The following SRGAP2 variants were observed in gnomAD, a reference collection of about 807,000 sequenced individuals.
SRGAP2 encodes the protein SLIT-ROBO Rho GTPase-activating protein 2.
Under a neutral mutation model 57.2 loss-of-function variants are expected in SRGAP2, and 15 were observed. The ratio of observed to expected loss-of-function variants is 0.26; its 90% CI spans 0.18 to 0.40. SRGAP2 has a LOEUF of 0.40. Ranked by LOEUF, SRGAP2 falls within the 10% of genes least tolerant of loss-of-function variation. SRGAP2 has a pLI of 1.00. For missense variants in SRGAP2, 520 were observed against 669.6 expected (o/e 0.78, Z 2.47); for synonymous variants, 249 against 248.0 (o/e 1.00, Z -0.04).
In SRGAP2 at chr1:206,253,573, C is replaced by CTT. The variant is rs71264673; in HGVS notation, c.67+47555_67+47556dup. On this transcript the variant is annotated intron_variant, in intron 2 of 22. Coordinates refer to ENST00000573034, the MANE Select transcript of SRGAP2 (RefSeq NM_015326.5). ...CTCTTTCTTTCTCTTTTCTTTCTTT[C>CTT]TTTTTTTTTTTTTTTTTTTTGAGGC... 6.0e-3 allele frequency among the ~76,000 whole-genome samples: 614 copies of CTT among 101,684 alleles called. 19 individuals carry two copies. Among genetic ancestry groups the CTT allele is most frequent in the South Asian group, 8.6e-3 (23 of 2,668 alleles). The allele number at this position is 101,684 out of a possible 152,430, so 66.7% of individuals were successfully genotyped here. A position where few individuals can be genotyped will look rare whatever the true frequency, so the allele number is the denominator to read the frequency against.
intron 3 of SRGAP2, among the ~76,000 whole-genome samples, chr1:206,303,677 A>G (rs1672003651): frequency 6.6e-6 from 1 of 152,194 alleles, no homozygotes; most frequent in Non-Finnish European, 1.5e-5. Context: ...ATGATGAACC[A>G]TGCTAATAAT....
intron 3 of SRGAP2, among the ~76,000 whole-genome samples, chr1:206,334,452 A>G (rs1286298688): frequency 2.6e-5 from 4 of 151,706 alleles, no homozygotes; most frequent in African/African-American, 9.7e-5. Flanking sequence ...CAAGAATTTT[A>G]TTTTTTTCCC....
chr1:206,343,587 G>A (rs1271536507), intron 4 of SRGAP2, among the ~76,000 whole-genome samples: 3 of 150,358 alleles, frequency 2.0e-5, no homozygotes, highest in Admixed American at 2.0e-4. Flanking sequence ...ACTCAAAAGT[G>A]TGGTTATTCT....
chr1:206,289,159 G>A (rs1416794508), intron 2 of SRGAP2, among the ~76,000 whole-genome samples: 4 of 135,394 alleles, frequency 3.0e-5, no homozygotes, highest in Admixed American at 7.5e-5. Flanking sequence ...ATCAGCTCAG[G>A]GCCAATTTTG....
At chr1:206,439,304 C>G (rs1409464853) in intron 16 of SRGAP2, among the ~76,000 whole-genome samples, 1 of 152,068 alleles carries the variant, frequency 6.6e-6, no homozygotes, top group Non-Finnish European at 1.5e-5. Flanking sequence ...ACAAGAAAAC[C>G]TTTCAGGTCT....
At chr1:206,311,521 A>G (rs562678062) in intron 3 of SRGAP2, among the ~76,000 whole-genome samples, 1,621 of 152,328 alleles carry the variant, frequency 0.011, 11 homozygotes, top group African/African-American at 0.037. Context: ...GAAAGGAAGC[A>G]TTTTAGATAG....
intron 21 of SRGAP2, among the ~76,000 whole-genome samples, chr1:206,458,066 T>G (rs1553378998): frequency 6.6e-6 from 1 of 152,182 alleles, no homozygotes; most frequent in African/African-American, 2.4e-5. Context: ...ACGCACAAAC[T>G]GGGCCCCAAC....
At chr1:206,386,092 G>A (rs1214983410) in intron 5 of SRGAP2, among the ~76,000 whole-genome samples, 1 of 152,206 alleles carries the variant, frequency 6.6e-6, no homozygotes, top group Non-Finnish European at 1.5e-5. Context: ...GGCAATGCCT[G>A]AAGACATTTT....
chr1:206,428,138 C>T (rs899234313), intron 13 of SRGAP2, among the ~76,000 whole-genome samples: 4 of 151,626 alleles, frequency 2.6e-5, no homozygotes, highest in East Asian at 1.9e-4. Context: ...TAAAATAGGC[C>T]GGGCGTGGTG....
rs1361557172 is a variant in SRGAP2, at chr1:206,458,780, G to C, written c.2665G>C (p.Gly889Arg). ...PIMSQSLPKE[G>R]PDKCSISGHG... ...CATGAGCCAGAGCCTCCCCAAAGAA[G>C]GGCCAGATAAGTGTTCCATCAGTGG... Residue 889 changes from glycine to arginine, a missense_variant, in exon 22 of 23, where the codon GGG (glycine) becomes CGG (arginine). Around this residue, in one of 5 missense-constraint regions of SRGAP2, gnomAD observed 478 missense variants for 373.6 expected, o/e 1.28. Transcript: ENST00000573034. 2.6e-6 allele frequency: 2 copies of C among 780,724 alleles called. No homozygotes were observed. The highest frequency in any genetic ancestry group is 2.4e-6 in the Non-Finnish European group (1 of 417,990). The allele number at this position is 780,724 out of a possible 1,614,324, so 48.4% of individuals were successfully genotyped here.
intron 2 of SRGAP2, among the ~76,000 whole-genome samples, chr1:206,240,953 G>A (rs1553309048): frequency 2.0e-5 from 3 of 152,178 alleles, no homozygotes; most frequent in African/African-American, 7.2e-5. Context: ...GGAGGCTGAG[G>A]TGGGTGGATT....
At chr1:206,216,250 G>A (rs868955697) in intron 2 of SRGAP2, among the ~76,000 whole-genome samples, 1 of 151,894 alleles carries the variant, frequency 6.6e-6, no homozygotes, top group Non-Finnish European at 1.5e-5. Context: ...CTGCCCTAGA[G>A]CTATACTTGC....
intron 2 of SRGAP2, among the ~76,000 whole-genome samples, chr1:206,233,460 G>A (rs1345846842): frequency 1.3e-5 from 2 of 150,994 alleles, no homozygotes; most frequent in East Asian, 3.9e-4. Context: ...TGGACTAGGC[G>A]ACCTCTAGAG....
intron 10 of SRGAP2, among the ~76,000 whole-genome samples, chr1:206,410,017 CTT>C (rs1659071655): frequency 6.6e-6 from 1 of 152,216 alleles, no homozygotes; most frequent in Non-Finnish European, 1.5e-5. Flanking sequence ...AGGAGAATCA[CTT>C]GAACCCGGGA....
intron 14 of SRGAP2, among the ~76,000 whole-genome samples, chr1:206,431,459 A>C (rs185246778): frequency 7.2e-5 from 11 of 152,348 alleles, no homozygotes; most frequent in Admixed American, 3.3e-4. Context: ...ACAAGATAGT[A>C]ATGATTAACA....
chr1:206,389,431 C>T (rs1219912292), intron 5 of SRGAP2, among the ~76,000 whole-genome samples: 1 of 152,154 alleles, frequency 6.6e-6, no homozygotes, highest in African/African-American at 2.4e-5. Flanking sequence ...CCCGCCTGGG[C>T]CTCCCAAAGT....
chr1:206,446,614 T>G (rs562644775), intron 18 of SRGAP2, among the ~76,000 whole-genome samples: 6 of 152,354 alleles, frequency 3.9e-5, no homozygotes, highest in African/African-American at 1.2e-4. Context: ...GAAGTGATCT[T>G]TATTCATCAA....
intron 14 of SRGAP2, among the ~76,000 whole-genome samples, chr1:206,434,645 T>C (rs886068403): frequency 2.0e-5 from 3 of 152,200 alleles, no homozygotes; most frequent in African/African-American, 7.2e-5. Flanking sequence ...AATCTAGAGA[T>C]TCTGTCTGTT....
At chr1:206,429,718 G>A (rs1048091552) in intron 13 of SRGAP2, among the ~76,000 whole-genome samples, 9 of 152,206 alleles carry the variant, frequency 5.9e-5, no homozygotes, top group African/African-American at 2.2e-4. Context: ...AATGAAATGT[G>A]CCCTTTTAAG....
Sources: gnomAD v4.1 joint callset for allele counts (sites outside exome capture counted in the v4.1 genomes callset) on GRCh38, gnomAD v4.1.1 for gene constraint, gnomAD v4.1.1 regional missense constraint, MANE v1.5 for transcripts, NCBI Gene and HGNC (gene_info 2026-07-23, HGNC 2026-07-21) for gene names.